Variants in CYP2A13 observed in about 807,000 individuals in gnomAD.
CYP2A13 encodes cytochrome P450 family 2 subfamily A member 13.
CYP2A13 carries 30 observed loss-of-function variants against 39.4 expected under a neutral mutation model. The ratio of observed to expected loss-of-function variants is 0.76; its 90% CI spans 0.57 to 1.03. CYP2A13 has a LOEUF of 1.03. Ranked by LOEUF, CYP2A13 falls within the 50% of genes least tolerant of loss-of-function variation. The pLI, the probability that CYP2A13 is intolerant of heterozygous loss-of-function variation, is 0.00. For synonymous variants in CYP2A13, 269 were observed against 254.7 expected, an observed-to-expected ratio of 1.06 and a Z score of -0.54; for missense variants, 731 against 648.4, an observed-to-expected ratio of 1.13 and a Z score of -1.38.
rs748928501 is a variant in CYP2A13, at chr19:41,090,558, G to A, written c.648G>A (p.Thr216=). 1.5e-5 allele frequency: 25 copies of A among 1,613,910 alleles called. No homozygotes were observed. The highest frequency in any genetic ancestry group is 1.4e-4 in the South Asian group (13 of 91,078). The change falls in exon 4 of 9, where the codon ACG becomes ACA. Residue 216 remains threonine, a synonymous_variant. Transcript: ENST00000330436. The part of the protein sequence containing the change: ...LGSFQFTATS[T]GQLYEMFSSV... ...GCTTCCAGTTCACGGCAACCTCCAC[G>A]GGGCAGGTAACTGGCTGCAGCCCGC...
At chr19:41,093,568 G>C in intron 5 of CYP2A13, 62 bp from the exon 6 acceptor site, 3 of 1,603,946 alleles carry the variant, frequency 1.9e-6, no homozygotes, top group Non-Finnish European at 2.6e-6. Context: ...CAAAGGAAAA[G>C]CCCTAGAAGG....
Position 41,089,009 on chromosome 19 carries a change from C to G in CYP2A13, c.261C>G (p.Val87=), listed in dbSNP as rs757623238. ...TGGTGCTGTGCGGACATGATGCCGT[C>G]AAGGAGGCTCTGGTGGACCAGGCTG... The part of the protein sequence containing the change: ...RVVVLCGHDA[V]KEALVDQAEE... The change falls in exon 2 of 9, where the codon GTC becomes GTG. Residue 87 remains valine, a synonymous_variant. Transcript: ENST00000330436. 1.9e-6 allele frequency: 3 copies of G among 1,613,836 alleles called. No individual in the cohort carries two copies. The highest frequency in any genetic ancestry group is 2.5e-6 in the Non-Finnish European group (3 of 1,179,854).
intron 5 of CYP2A13, among the ~76,000 whole-genome samples, chr19:41,093,316 C>A (rs1177972377): frequency 2.6e-5 from 4 of 151,896 alleles, no homozygotes; most frequent in African/African-American, 4.8e-5. Context: ...ATTCCTTGAA[C>A]CCAGGAGTTG....
intron 6 of CYP2A13, 24 bp from the exon 7 acceptor site, chr19:41,094,221 A>G: frequency 6.2e-7 from 1 of 1,612,962 alleles, no homozygotes; most frequent in Non-Finnish European, 8.5e-7. Context: ...CTAGACACCT[A>G]AACACATTCC....
chr19:41,094,525 A>G lies in CYP2A13; in HGVS notation c.1161+93A>G. The G allele has an allele frequency of 2.2e-6, 3 of 1,392,580 alleles. No homozygotes were observed. The South Asian group carries it at 3.6e-5, about 17-fold the overall frequency. The allele number at this position is 1,392,580 out of a possible 1,614,324, so 86.3% of individuals were successfully genotyped here. ...AATCCTGCCCCCATTAGTGTTCTAG[A>G]CTCTGTCCCACTCCCTCAATCAGTC... On this transcript the variant is annotated intron_variant, in intron 7 of 8. Transcript: ENST00000330436.
Position 41,090,522 on chromosome 19 carries a change from G to C in CYP2A13, c.612G>C (p.Met204Ile). Residue 204 changes from methionine (M) to isoleucine (I), a missense_variant, in exon 4 of 9, where the codon ATG becomes ATC. Coordinates refer to ENST00000330436, the MANE Select transcript of CYP2A13 (RefSeq NM_000766.5). ...AAGAGTTCCTGTCACTGTTGCGCAT[G>C]ATGCTGGGAAGCTTCCAGTTCACGG... ...EDKEFLSLLR[M>I]MLGSFQFTAT... The C allele has an allele frequency of 6.2e-7, 1 of 1,614,154 alleles. No individual in the cohort carries two copies. Among genetic ancestry groups the C allele is most frequent in the Non-Finnish European group, 8.5e-7 (1 of 1,180,016 alleles).
At position 41,095,839 on chromosome 19, in the gene CYP2A13, C is replaced by T. The variant is rs763950762; in HGVS notation, c.1383C>T (p.Arg461=). 6.2e-7 allele frequency: 1 copy of T among 1,614,108 alleles called. No homozygotes were observed. Among genetic ancestry groups the T allele is most frequent in the Non-Finnish European group, 8.5e-7 (1 of 1,179,980 alleles). The change falls in exon 9 of 9, where the codon CGC becomes CGT. Residue 461 remains arginine, a synonymous_variant. Transcript: ENST00000330436. Reference sequence around the variant, plus strand: ...TCACCACCATCATGCAGAACTTTCGCTTCAAGTCCCCTCAGTCGCCTAAGG... The same window carrying T: ...TCACCACCATCATGCAGAACTTTCGTTTCAAGTCCCCTCAGTCGCCTAAGG... The part of the protein sequence containing the change: ...LFFTTIMQNF[R]FKSPQSPKDI...
rs894867889 is a variant in CYP2A13 at position 41,090,256 on chromosome 19, A to T, written c.493+60A>T. On this transcript the variant is annotated intron_variant, in intron 3 of 8. Transcript: ENST00000330436. ...CCGCGCTTTCTGCCTGGGGATGGGG[A>T]CTAGGTGGGGAAAGGGGCCCGCACT... 4.1e-5 allele frequency: 64 copies of T among 1,557,824 alleles called. No individual in the cohort carries two copies. In the African/African-American group the frequency reaches 8.4e-4, roughly 21 times the overall value.
Position 41,096,195 on chromosome 19 carries a change from A to G in CYP2A13, c.*254A>G, listed in dbSNP as rs1457810779. The G allele has an allele frequency of 1.2e-5, 7 of 584,022 alleles. No homozygotes were observed. Among genetic ancestry groups the G allele is most frequent in the African/African-American group, 5.6e-5 (3 of 53,510 alleles). The allele number at this position is 584,022 out of a possible 1,614,324, so 36.2% of individuals were successfully genotyped here. ...AATAATAGCAGCTCTTATTTCCTGA[A>G]CAAGTACCTCCGTGTCAGCTTTGTT... On this transcript the variant is annotated 3_prime_UTR_variant, in exon 9 of 9. Coordinates refer to ENST00000330436, the MANE Select transcript of CYP2A13 (RefSeq NM_000766.5).
intron 2 of CYP2A13, among the ~76,000 whole-genome samples, chr19:41,089,815 T>C (rs1355796350): frequency 1.2e-3 from 20 of 16,278 alleles, no homozygotes; most frequent in African/African-American, 5.8e-3. Flanking sequence ...TCTCTCTCTC[T>C]CTCTCTCTCT....
rs551498000 is a variant in CYP2A13 at position 41,093,172 on chromosome 19, C to T, written c.832-458C>T. ...CAATGAGCCGATATCACAGCACTGC[C>T]CTCCAGCCTGGGTGACAGAATAAGA... On this transcript the variant is annotated intron_variant, in intron 5 of 8. Transcript: ENST00000330436. Among the ~76,000 whole-genome samples the T allele has an allele frequency of 4.0e-5, 6 of 151,858 alleles. 1 individual carries two copies. Among genetic ancestry groups the T allele is most frequent in the Admixed American group, 2.0e-4 (3 of 15,236 alleles).
At chr19:41,093,839 G>A in intron 6 of CYP2A13, 68 bp downstream of exon 6, 4 of 1,568,828 alleles carry the variant, frequency 2.5e-6, no homozygotes, top group Non-Finnish European at 3.5e-6. Context: ...CTGGTGCAGT[G>A]TACCCACCTA....
chr19:41,095,071 A>T lies in CYP2A13; in HGVS notation c.1274A>T (p.Lys425Met), dbSNP rs1424878213. 4.3e-6 allele frequency: 7 copies of T among 1,614,140 alleles called. No homozygotes were observed. Among genetic ancestry groups the T allele is most frequent in the Non-Finnish European group, 5.1e-6 (6 of 1,180,034 alleles). Residue 425 changes from lysine (K) to methionine (M), a missense_variant, in exon 8 of 9, where the codon AAG (lysine) becomes ATG (methionine). By Grantham distance (95) the Lys-to-Met change is moderately conservative (BLOSUM62 -1). Transcript: ENST00000330436. ...HFLDKKGQFK[K>M]SDAFVPFSIG... Reference sequence around the variant, plus strand: ...CTGGATAAGAAGGGGCAGTTTAAGAAGAGTGATGCTTTTGTGCCCTTTTCC... The same window carrying T: ...CTGGATAAGAAGGGGCAGTTTAAGATGAGTGATGCTTTTGTGCCCTTTTCC...
In CYP2A13 at chr19:41,088,912, C is replaced by T. The variant is rs139171243; in HGVS notation, c.181-17C>T. 7.8e-4 allele frequency: 1,257 copies of T among 1,613,498 alleles called. 19 individuals carry two copies. The East Asian group carries it at 0.024, about 30-fold the overall frequency. The stretch of plus-strand genomic sequence containing the variant: ...TGGGGGCTGCTCCCTCTAACCACTC[C>T]CACCTGCCTCCAACAGATCAGTGAG... On this transcript the variant is annotated splice_polypyrimidine_tract_variant and intron_variant, in intron 1 of 8. Coordinates refer to ENST00000330436, the MANE Select transcript of CYP2A13 (RefSeq NM_000766.5).
intron 8 of CYP2A13, 141 bp downstream of exon 8, chr19:41,095,241 C>A: frequency 6.6e-7 from 1 of 1,506,538 alleles, no homozygotes; most frequent in Non-Finnish European, 9.2e-7. Flanking sequence ...CCGCCACCAG[C>A]TGATACTCCC....
intron 6 of CYP2A13, 68 bp from the exon 7 acceptor site, chr19:41,094,177 A>G (rs975162929): frequency 7.6e-6 from 12 of 1,583,062 alleles, no homozygotes; most frequent in Non-Finnish European, 1.0e-5. Context: ...ACCGTGTTTT[A>G]CCTATTCGGA....
At chr19:41,094,131 G>A in intron 6 of CYP2A13, 114 bp from the exon 7 acceptor site, 1 of 1,475,914 alleles carries the variant, frequency 6.8e-7, no homozygotes, top group Non-Finnish European at 9.1e-7. Context: ...GTTATGAATG[G>A]TCTACCTCCG....
intron 4 of CYP2A13, among the ~76,000 whole-genome samples, chr19:41,091,417 A>G (rs1321221877): frequency 2.0e-5 from 3 of 152,234 alleles, no homozygotes; most frequent in Non-Finnish European, 4.4e-5. Flanking sequence ...ACACCTGGAC[A>G]GGTGTCTTCC....
At position 41,095,872 on chromosome 19, in the gene CYP2A13, C is replaced by G. The variant is rs1048719667; in HGVS notation, c.1416C>G (p.Asp472Glu). ...FKSPQSPKDI[D>E]VSPKHVGFAT... ...CCCCTCAGTCGCCTAAGGATATCGA[C>G]GTGTCCCCCAAACACGTGGGCTTTG... The change falls in exon 9 of 9, where the codon GAC becomes GAG. Residue 472 changes from aspartate (D) to glutamate (E), a missense_variant. Coordinates refer to ENST00000330436, the MANE Select transcript of CYP2A13 (RefSeq NM_000766.5). 1.2e-6 allele frequency: 2 copies of G among 1,613,860 alleles called. No homozygotes were observed. Among genetic ancestry groups the G allele is most frequent in the Admixed American group, 1.7e-5 (1 of 59,992 alleles).
Sources: allele counts gnomAD v4.1 joint callset (sites outside exome capture counted in the v4.1 genomes callset), GRCh38; gene constraint gnomAD v4.1.1; transcripts MANE v1.5; gene names NCBI Gene and HGNC (gene_info 2026-07-23, HGNC 2026-07-21).